IPO9: variants seen among roughly 807,000 people sequenced by gnomAD.
IPO9 encodes the protein importin 9.
In IPO9, 28 loss-of-function variants were observed where a neutral mutation model predicts 128.6. The observed-to-expected ratio is 0.22, with a 90% CI of 0.16 to 0.30. IPO9 has a LOEUF of 0.30. IPO9 is among the 10% of genes least tolerant of loss of function. The pLI, the probability that IPO9 is intolerant of heterozygous loss-of-function variation, is 1.00. For missense variants in IPO9, 935 were observed against 1,293.9 expected, an observed-to-expected ratio of 0.72 and a Z score of 4.26; for synonymous variants, 455 against 475.8, an observed-to-expected ratio of 0.96 and a Z score of 0.57.
At chr1:201,836,259 T>G (rs1378946111) in intron 1 of IPO9, among the ~76,000 whole-genome samples, 1 of 152,112 alleles carries the variant, frequency 6.6e-6, no homozygotes, top group Admixed American at 6.6e-5. Flanking sequence ...GTGAAAAATC[T>G]GTAAGTAGGG....
intron 1 of IPO9, 98 bp from the exon 2 acceptor site, chr1:201,847,181 G>A (rs1421619944): frequency 1.2e-5 from 10 of 855,930 alleles, no homozygotes; most frequent in African/African-American, 3.4e-5. Context: ...AACAGATTAA[G>A]TTTCTTTCTG....
intron 3 of IPO9, 91 bp from the exon 4 acceptor site, chr1:201,848,302 A>G (rs1262188953): frequency 2.8e-6 from 3 of 1,087,750 alleles, no homozygotes; most frequent in East Asian, 4.7e-5. Context: ...CCTTGTACTC[A>G]TTGTTTTTCC....
intron 5 of IPO9, 117 bp from the exon 6 acceptor site, chr1:201,852,894 G>A: frequency 1.3e-6 from 1 of 750,998 alleles, no homozygotes; most frequent in South Asian, 1.7e-5. Flanking sequence ...TTTCTCGAGG[G>A]CATCCAATCT....
At chr1:201,858,184 C>T (rs1363092238) in intron 11 of IPO9, among the ~76,000 whole-genome samples, 1 of 152,220 alleles carries the variant, frequency 6.6e-6, no homozygotes, top group South Asian at 2.1e-4. Flanking sequence ...TCTATTATTG[C>T]TCACTTATGC....
In IPO9 at chr1:201,862,120, T is replaced by C. The variant is rs570759568; in HGVS notation, c.1469-1328T>C. ...GGACTATGGAATTAATTGACAGATTTTAAATAGAAGAATGACATGATCAGA... is the reference window on the plus strand; with the variant it reads ...GGACTATGGAATTAATTGACAGATTCTAAATAGAAGAATGACATGATCAGA... On this transcript the variant is annotated intron_variant, in intron 13 of 23. Coordinates refer to ENST00000361565, the MANE Select transcript of IPO9 (RefSeq NM_018085.5). Among the ~76,000 whole-genome samples the C allele has an allele frequency of 3.9e-5, 6 of 152,298 alleles. No individual in the cohort carries two copies. The South Asian group carries it at 1.2e-3, about 32-fold the overall frequency.
intron 1 of IPO9, among the ~76,000 whole-genome samples, chr1:201,846,435 C>T (rs557575084): frequency 5.4e-4 from 83 of 152,326 alleles, no homozygotes; most frequent in African/African-American, 1.9e-3. Flanking sequence ...TGCAGTGGCA[C>T]GATCTCAGCT....
At chr1:201,845,607 A>G (rs1329196645) in intron 1 of IPO9, among the ~76,000 whole-genome samples, 3 of 152,250 alleles carry the variant, frequency 2.0e-5, no homozygotes, top group Admixed American at 2.0e-4. Flanking sequence ...TACATTAAAA[A>G]GGCAAAAAGA....
intron 1 of IPO9, among the ~76,000 whole-genome samples, chr1:201,830,933 A>G (rs1679821677): frequency 6.6e-6 from 1 of 152,220 alleles, no homozygotes; most frequent in African/African-American, 2.4e-5. Flanking sequence ...GCCAAATGCC[A>G]TGGTCTCATC....
Position 201,870,957 on chromosome 1 carries a change from C to A in IPO9, c.2409+99C>A. 7.1e-7 allele frequency: 1 copy of A among 1,412,008 alleles called. No individual in the cohort carries two copies. Among genetic ancestry groups the A allele is most frequent in the Non-Finnish European group, 9.5e-7 (1 of 1,050,634 alleles). The allele number at this position is 1,412,008 out of a possible 1,614,324, so 87.5% of individuals were successfully genotyped here. A position where few individuals can be genotyped will look rare whatever the true frequency, so the allele number is the denominator to read the frequency against. On this transcript the variant is annotated intron_variant, in intron 18 of 23. Transcript: ENST00000361565. The surrounding 1 kb of genome is among the most constrained non-coding windows in gnomAD (Gnocchi z 4.9). ...TTATTTTATTTTACCCTCTTACTAG[C>A]CTTGTAGGACAGTTAAGTAAAATGG... is the stretch of plus-strand genomic sequence containing the variant.
At position 201,866,830 on chromosome 1, in the gene IPO9, A is replaced by C; in HGVS notation, c.1726A>C (p.Ser576Arg). 6.2e-7 allele frequency: 1 copy of C among 1,614,092 alleles called. No individual in the cohort carries two copies. Among genetic ancestry groups the C allele is most frequent in the Non-Finnish European group, 8.5e-7 (1 of 1,180,026 alleles). The change falls in exon 15 of 24, where the codon AGC becomes CGC. Residue 576 changes from serine to arginine, a missense_variant. Ser to Arg is a moderately radical substitution (Grantham distance 110, BLOSUM62 -1). This residue lies in a region of IPO9 where 741 missense variants were observed against 1,019.1 expected (regional missense o/e 0.73). Coordinates refer to ENST00000361565, the MANE Select transcript of IPO9 (RefSeq NM_018085.5). ...DGLIHLAAQF[S>R]SEVLNLVMET... ...CTTAATTCACCTAGCAGCCCAGTTC[A>C]GCTCAGAGGTCCTCAACCTGGTGAT...
intron 12 of IPO9, 131 bp downstream of exon 12, chr1:201,858,684 T>C: frequency 1.3e-6 from 1 of 790,618 alleles, no homozygotes. Flanking sequence ...TAATCTCTTA[T>C]TATTAAAATT....
At chr1:201,857,409 A>G (rs116285713) in intron 11 of IPO9, among the ~76,000 whole-genome samples, 1,949 of 152,322 alleles carry the variant, frequency 0.013, 42 homozygotes, top group African/African-American at 0.043. Context: ...AATATTAGAT[A>G]AAAGAATTGT....
intron 4 of IPO9, 104 bp from the exon 5 acceptor site, chr1:201,852,000 G>A (rs1680226292): frequency 6.1e-6 from 4 of 653,000 alleles, no homozygotes; most frequent in Non-Finnish European, 1.1e-5. Context: ...CCTGTGTGCT[G>A]TCTGTTTGGG....
chr1:201,849,919 G>A (rs575536829), intron 4 of IPO9, among the ~76,000 whole-genome samples: 4 of 152,198 alleles, frequency 2.6e-5, no homozygotes, highest in African/African-American at 9.6e-5. Flanking sequence ...CCTCTGCATG[G>A]AATTGGCCTT....
intron 14 of IPO9, among the ~76,000 whole-genome samples, chr1:201,865,208 T>C (rs1680528526): frequency 6.6e-6 from 1 of 151,058 alleles, no homozygotes. Flanking sequence ...TCTTTTTTTT[T>C]TTTTTTTTTC....
chr1:201,872,661 A>G (rs966687525), intron 19 of IPO9, among the ~76,000 whole-genome samples, 167 bp from the exon 20 acceptor site: 2 of 152,172 alleles, frequency 1.3e-5, no homozygotes, highest in African/African-American at 4.8e-5. Context: ...AAACCACCTC[A>G]TGAACTCTAA....
At chr1:201,857,045 A>T in intron 10 of IPO9, 51 bp from the exon 11 acceptor site, 1 of 1,109,092 alleles carries the variant, frequency 9.0e-7, no homozygotes, top group Non-Finnish European at 1.4e-6. Context: ...GTTGATGAAA[A>T]GCTATGAATC....
rs1680725968 is a variant in IPO9 at position 201,874,709 on chromosome 1, C to T, written c.2834-123C>T. 1.7e-5 allele frequency: 12 copies of T among 719,948 alleles called. No homozygotes were observed. The South Asian group carries it at 2.0e-4, about 12-fold the overall frequency. The allele number at this position is 719,948 out of a possible 1,614,324, so 44.6% of individuals were successfully genotyped here. A position where few individuals can be genotyped will look rare whatever the true frequency, so the allele number is the denominator to read the frequency against. On this transcript the variant is annotated intron_variant, in intron 21 of 23. Transcript: ENST00000361565. The stretch of plus-strand genomic sequence containing the variant: ...GGTTTGGCCATTTCTGATTCTCTTT[C>T]ACTGGGGACTACAAGCCACATTGCA...
chr1:201,855,917 C>G lies in IPO9; in HGVS notation c.1105C>G (p.Gln369Glu). 1 of 1,590,744 alleles carries G rather than the reference C, an allele frequency of 6.3e-7. No individual in the cohort carries two copies. The highest frequency in any genetic ancestry group is 1.4e-5 in the African/African-American group (1 of 73,568). ...GATTTATTATATTATCCTGTACATG[C>G]AAATCACTGAGGAGCAGGTAAATAA... ...ELIYYIILYM[Q>E]ITEEQIKVWT... Residue 369 changes from glutamine to glutamate, a missense_variant, in exon 10 of 24, where the codon CAA becomes GAA. By Grantham distance (29) the Gln-to-Glu change is conservative. This residue lies in a region of IPO9 where 741 missense variants were observed against 1,019.1 expected (regional missense o/e 0.73). Coordinates refer to ENST00000361565, the MANE Select transcript of IPO9 (RefSeq NM_018085.5).
Sources: allele counts gnomAD v4.1 joint callset (sites outside exome capture counted in the v4.1 genomes callset), GRCh38; gene constraint gnomAD v4.1.1; regional missense constraint gnomAD v4.1.1; non-coding constraint Gnocchi (gnomAD v3.1); transcripts MANE v1.5; gene names NCBI Gene and HGNC (gene_info 2026-07-23, HGNC 2026-07-21).